Variants in SLC5A9 observed in about 807,000 individuals in gnomAD.
SLC5A9 encodes sodium/glucose cotransporter 4.
Under a neutral mutation model 70.9 loss-of-function variants are expected in SLC5A9, and 59 were observed. The ratio of observed to expected loss-of-function variants is 0.83; its 90% CI spans 0.68 to 1.03. The LOEUF is 1.03. Ranked by LOEUF, SLC5A9 falls within the 50% of genes least tolerant of loss-of-function variation. The pLI is 0.00. For synonymous variants in SLC5A9, 340 were observed against 346.5 expected, an observed-to-expected ratio of 0.98 and a Z score of 0.21; for missense variants, 832 against 881.1, an observed-to-expected ratio of 0.94 and a Z score of 0.71.
chr1:48,230,400 T>G (rs1262277432), intron 4 of SLC5A9, among the ~76,000 whole-genome samples, 200 bp from the exon 5 acceptor site: 1 of 152,240 alleles, frequency 6.6e-6, no homozygotes, highest in Non-Finnish European at 1.5e-5. Flanking sequence ...TATACAGTAC[T>G]TCTCTGCTTT....
intron 2 of SLC5A9, among the ~76,000 whole-genome samples, chr1:48,225,988 G>A (rs1644140385): frequency 1.3e-5 from 2 of 152,104 alleles, no homozygotes; most frequent in South Asian, 4.1e-4. Flanking sequence ...TTAAAGAGTA[G>A]CAGAAACACA....
chr1:48,246,567 AGT>A (rs780723336), intron 13 of SLC5A9, among the ~76,000 whole-genome samples: 20 of 152,318 alleles, frequency 1.3e-4, no homozygotes, highest in Non-Finnish European at 2.6e-4. Flanking sequence ...TTTTGAATTT[AGT>A]TTTTAGTGAA....
In SLC5A9 at chr1:48,244,876, G is replaced by GTATATATATATATATA. The variant is rs1553132196; in HGVS notation, c.1837+2261_1837+2262insATATATATATATATAT. On this transcript the variant is annotated intron_variant, in intron 13 of 13. Transcript: ENST00000438567. ...CCTGTGTGTGTGTATGTATGTGTAT[G>GTATATATATATATATA]TGTATATATATATATATATATATAT... Among the ~76,000 whole-genome samples, 2 of 11,494 alleles carry GTATATATATATATATA rather than the reference G, an allele frequency of 1.7e-4. 1 individual carries two copies. Among genetic ancestry groups the GTATATATATATATATA allele is most frequent in the Non-Finnish European group, 3.7e-4 (2 of 5,392 alleles). 7.5% of individuals were successfully genotyped at this position (11,494 alleles called of 152,430 possible).
intron 11 of SLC5A9, among the ~76,000 whole-genome samples, chr1:48,238,877 C>G (rs1335516983): frequency 1.3e-5 from 2 of 152,194 alleles, no homozygotes; most frequent in African/African-American, 4.8e-5. Flanking sequence ...AGGAAAGTCT[C>G]TATTCTGATT....
chr1:48,227,468 T>C (rs1644178104), intron 2 of SLC5A9, among the ~76,000 whole-genome samples: 1 of 144,794 alleles, frequency 6.9e-6, no homozygotes, highest in Non-Finnish European at 1.5e-5. Flanking sequence ...GTGTGTGTAC[T>C]GTGCCTGTGT....
chr1:48,228,810 A>G, intron 2 of SLC5A9, 40 bp from the exon 3 acceptor site: 23 of 1,606,996 alleles, frequency 1.4e-5, no homozygotes, highest in Non-Finnish European at 2.0e-5. Flanking sequence ...CATTCAGATC[A>G]CTCCTGACTC....
chr1:48,229,159 G>A (rs752166912), intron 3 of SLC5A9, 136 bp from the exon 4 acceptor site: 1 of 1,614,018 alleles, frequency 6.2e-7, no homozygotes, highest in Non-Finnish European at 8.5e-7. Context: ...CACACGGGAG[G>A]ACTGGGGTCA....
At chr1:48,235,429 A>T (rs1016893589) in intron 9 of SLC5A9, among the ~76,000 whole-genome samples, 2 of 152,142 alleles carry the variant, frequency 1.3e-5, no homozygotes, top group Non-Finnish European at 2.9e-5. Flanking sequence ...GAGATTACCT[A>T]GTCTTACATA....
chr1:48,230,376 C>CA (rs1644229828), intron 4 of SLC5A9, among the ~76,000 whole-genome samples: 1 of 152,246 alleles, frequency 6.6e-6, no homozygotes, highest in South Asian at 2.1e-4. Flanking sequence ...AAATTTATCT[C>CA]AGTTTGGAGG....
intron 12 of SLC5A9, among the ~76,000 whole-genome samples, chr1:48,241,702 TTCTCTCTC>T (rs61544545): frequency 3.5e-4 from 53 of 149,380 alleles, no homozygotes; most frequent in Non-Finnish European, 6.7e-4. Flanking sequence ...TGTGTACATG[TTCTCTCTC>T]TCTCTCTCTC....
intron 13 of SLC5A9, 92 bp downstream of exon 13, chr1:48,242,708 G>T: frequency 2.4e-6 from 3 of 1,244,968 alleles, no homozygotes; most frequent in East Asian, 2.6e-5. Context: ...GGACTCTGAG[G>T]GAGCCCAATA....
rs538264146 is a variant in SLC5A9 at position 48,235,717 on chromosome 1, G to A, written c.1142-12G>A. On this transcript the variant is annotated splice_polypyrimidine_tract_variant and intron_variant, in intron 9 of 13. Coordinates refer to ENST00000438567, the MANE Select transcript of SLC5A9 (RefSeq NM_001011547.3). ...TGGGCCAGCCGTTCACATGAGCCTC[G>A]TCTCTCCCCAGGTCTGCGGGGGCTG... 1.8e-5 allele frequency: 29 copies of A among 1,613,972 alleles called. No individual in the cohort carries two copies. Among genetic ancestry groups the A allele is most frequent in the Admixed American group, 8.3e-5 (5 of 60,002 alleles).
At chr1:48,231,683 C>G in intron 6 of SLC5A9, 58 bp downstream of exon 6, 1 of 1,593,428 alleles carries the variant, frequency 6.3e-7, no homozygotes, top group Non-Finnish European at 8.5e-7. Flanking sequence ...TCTGTCCTGT[C>G]TCTGCCACCT....
Position 48,232,072 on chromosome 1 carries a change from CT to C in SLC5A9, c.819del (p.Val274Ter). 6.2e-7 allele frequency: 1 copy of C among 1,614,168 alleles called. No homozygotes were observed. The highest frequency in any genetic ancestry group is 1.6e-4 in the Middle Eastern group (1 of 6,062). ...GATGCTTTCCACATTCTTCGGGACC[CT>C]GTGAGCGGGGACATCCCTTGGCCAG... ...RPDAFHILRD[P>X]VSGDIPWPGL... On this transcript the variant is annotated frameshift_variant, in exon 7 of 14. Coordinates refer to ENST00000438567, the MANE Select transcript of SLC5A9 (RefSeq NM_001011547.3). LOFTEE classifies it high-confidence loss of function.
chr1:48,244,473 A>T (rs189183495), intron 13 of SLC5A9, among the ~76,000 whole-genome samples: 2 of 152,094 alleles, frequency 1.3e-5, no homozygotes, highest in Admixed American at 1.3e-4. Context: ...AGCTAATGAC[A>T]TCATAAGCCC....
In SLC5A9 at chr1:48,230,757, G is replaced by C. The variant is rs527331354; in HGVS notation, c.610+52G>C. The C allele has an allele frequency of 8.0e-6, 11 of 1,377,738 alleles. No homozygotes were observed. In the African/African-American group the frequency reaches 1.3e-4, roughly 16 times the overall value. The allele number at this position is 1,377,738 out of a possible 1,614,324, so 85.3% of individuals were successfully genotyped here. A position where few individuals can be genotyped will look rare whatever the true frequency, so the allele number is the denominator to read the frequency against. ...AAAGCTTCTGACTGGCAGAGACCCA[G>C]AGAGAAAGACTGAAGGAGAGACAAC... On this transcript the variant is annotated intron_variant, in intron 5 of 13. Coordinates refer to ENST00000438567, the MANE Select transcript of SLC5A9 (RefSeq NM_001011547.3).
intron 13 of SLC5A9, 142 bp downstream of exon 13, chr1:48,242,758 A>G: frequency 1.3e-6 from 1 of 794,904 alleles, no homozygotes. Flanking sequence ...CTACTGAACT[A>G]TTTGAAAAAT....
chr1:48,246,083 G>GATAA (rs1303627615), intron 13 of SLC5A9, among the ~76,000 whole-genome samples: 1 of 151,928 alleles, frequency 6.6e-6, no homozygotes, highest in Non-Finnish European at 1.5e-5. Context: ...ATTGAGTTAT[G>GATAA]GCACACCACT....
chr1:48,231,142 C>T (rs765917999), intron 5 of SLC5A9, among the ~76,000 whole-genome samples: 1 of 152,106 alleles, frequency 6.6e-6, no homozygotes, highest in Non-Finnish European at 1.5e-5. Context: ...GGGAGGCCAG[C>T]ACAGGACAGC....
Sources: gnomAD v4.1 joint callset for allele counts (sites outside exome capture counted in the v4.1 genomes callset) on GRCh38, gnomAD v4.1.1 for gene constraint, MANE v1.5 for transcripts, NCBI Gene and HGNC (gene_info 2026-07-23, HGNC 2026-07-21) for gene names.